Variants in NRXN3 observed in about 807,000 individuals in gnomAD.
NRXN3 encodes neurexin III.
Under a neutral mutation model 137.6 loss-of-function variants are expected in NRXN3, and 32 were observed. The ratio of observed to expected loss-of-function variants is 0.23; its 90% confidence interval spans 0.18 to 0.31. The LOEUF is 0.31. Among genes scored for constraint, NRXN3 ranks in the 10% least tolerant of loss-of-function variants. The probability of loss-of-function intolerance (pLI) is 1.00; values close to 1 mark genes in which losing one functional copy is unlikely to be tolerated. For missense variants in NRXN3, 1,574 were observed against 2,062.5 expected (o/e 0.76, Z 4.59); for synonymous variants, 798 against 784.5 (o/e 1.02, Z -0.29).
intron 6 of NRXN3, among the ~76,000 whole-genome samples, chr14:78,651,929 T>C (rs1368176155): frequency 1.3e-4 from 20 of 152,202 alleles, no homozygotes; most frequent in Admixed American, 1.3e-3. Flanking sequence ...GTAGTTCTAT[T>C]TCCTCATCTA....
intron 15 of NRXN3, among the ~76,000 whole-genome samples, chr14:79,337,058 T>C (rs1382991223): frequency 6.6e-6 from 1 of 152,220 alleles, no homozygotes; most frequent in Non-Finnish European, 1.5e-5. Flanking sequence ...CAAGATGTTT[T>C]TCGTCCAATT....
chr14:79,745,943 A>G (rs2098978388), intron 19 of NRXN3, among the ~76,000 whole-genome samples: 1 of 152,148 alleles, frequency 6.6e-6, no homozygotes, highest in South Asian at 2.1e-4. Context: ...ATATTGGCTT[A>G]GGGTCTCACT....
intron 16 of NRXN3, among the ~76,000 whole-genome samples, chr14:79,593,883 G>T (rs763777203): frequency 6.6e-6 from 1 of 152,118 alleles, no homozygotes; most frequent in Non-Finnish European, 1.5e-5. Context: ...TTGGGATAGC[G>T]CTGCTGGCCT....
intron 16 of NRXN3, among the ~76,000 whole-genome samples, chr14:79,518,527 T>C (rs1045059005): frequency 2.0e-5 from 3 of 152,150 alleles, no homozygotes; most frequent in African/African-American, 4.8e-5. Flanking sequence ...TGTGTATATA[T>C]ACATGAAGAT....
chr14:78,475,965 G>A (rs2095370777), intron 4 of NRXN3, among the ~76,000 whole-genome samples: 1 of 152,192 alleles, frequency 6.6e-6, no homozygotes, highest in African/African-American at 2.4e-5. Flanking sequence ...TAATGGATAA[G>A]CAAATACTTA....
At chr14:78,953,970 C>T (rs1317965145) in intron 10 of NRXN3, among the ~76,000 whole-genome samples, 3 of 152,146 alleles carry the variant, frequency 2.0e-5, no homozygotes, top group East Asian at 1.9e-4. Context: ...CCTTTACTTA[C>T]GTGAATCACT....
At chr14:78,870,613 C>T (rs574505801) in intron 10 of NRXN3, among the ~76,000 whole-genome samples, 20 of 152,032 alleles carry the variant, frequency 1.3e-4, no homozygotes, top group African/African-American at 3.1e-4. Flanking sequence ...TGTTACTGAA[C>T]GCTAGATCTT....
chr14:78,388,253 T>C (rs936017138), intron 4 of NRXN3, among the ~76,000 whole-genome samples: 2 of 152,202 alleles, frequency 1.3e-5, no homozygotes, highest in African/African-American at 4.8e-5. Flanking sequence ...TGACTCCAAG[T>C]GCGAGGCTCC....
chr14:79,479,360 C>T (rs983602483), intron 16 of NRXN3, among the ~76,000 whole-genome samples: 3 of 151,728 alleles, frequency 2.0e-5, no homozygotes, highest in Non-Finnish European at 4.4e-5. Context: ...AGTGGCATTA[C>T]CTCTATTTTA....
chr14:78,410,350 A>T (rs10139945), intron 4 of NRXN3, among the ~76,000 whole-genome samples: 1 of 152,212 alleles, frequency 6.6e-6, no homozygotes, highest in Admixed American at 6.5e-5. Flanking sequence ...GGCTAACAGC[A>T]TCTATAATAC....
chr14:78,735,259 G>A (rs1414088939), intron 8 of NRXN3, among the ~76,000 whole-genome samples: 6 of 152,102 alleles, frequency 3.9e-5, no homozygotes, highest in South Asian at 2.1e-4. Context: ...ATTGCAAAAC[G>A]GAGAATGCTA....
intron 15 of NRXN3, among the ~76,000 whole-genome samples, chr14:79,052,782 G>C (rs919904234): frequency 2.9e-4 from 44 of 152,198 alleles, no homozygotes; most frequent in African/African-American, 1.1e-3. Flanking sequence ...CTGCCCATTA[G>C]GGATCAGAGG....
At chr14:78,520,732 A>G (rs1172414448) in intron 4 of NRXN3, among the ~76,000 whole-genome samples, 1 of 152,160 alleles carries the variant, frequency 6.6e-6, no homozygotes, top group Non-Finnish European at 1.5e-5. Context: ...TGTTTGTGAA[A>G]TTAGTTTGAA....
At chr14:79,745,068 T>C (rs779575189) in intron 19 of NRXN3, among the ~76,000 whole-genome samples, 17 of 148,786 alleles carry the variant, frequency 1.1e-4, no homozygotes, top group Middle Eastern at 3.5e-3. Flanking sequence ...TTTAGCTAAC[T>C]CTACAAAAAG....
intron 15 of NRXN3, among the ~76,000 whole-genome samples, chr14:79,103,846 C>T (rs1168338063): frequency 6.6e-6 from 1 of 152,152 alleles, no homozygotes; most frequent in Non-Finnish European, 1.5e-5. Context: ...ACCAGAATGC[C>T]TTCCCAACAT....
At chr14:78,336,093 C>A (rs955977573) in intron 4 of NRXN3, among the ~76,000 whole-genome samples, 4 of 152,144 alleles carry the variant, frequency 2.6e-5, no homozygotes, top group Admixed American at 6.5e-5. Flanking sequence ...CTCCCCACCC[C>A]CATAGAGTAT....
intron 14 of NRXN3, among the ~76,000 whole-genome samples, chr14:78,982,128 C>G (rs1056560777): frequency 9.9e-5 from 15 of 152,076 alleles, no homozygotes; most frequent in African/African-American, 3.1e-4. Flanking sequence ...TAAATAAAAA[C>G]AGTTTCAAGT....
At chr14:79,485,287 T>A (rs1038477449) in intron 16 of NRXN3, among the ~76,000 whole-genome samples, 9 of 152,140 alleles carry the variant, frequency 5.9e-5, no homozygotes, top group African/African-American at 2.2e-4. Flanking sequence ...AGATACTTCC[T>A]CTAGGGATTG....
intron 10 of NRXN3, among the ~76,000 whole-genome samples, chr14:78,956,810 C>G (rs1247865595): frequency 6.6e-6 from 1 of 152,216 alleles, no homozygotes; most frequent in African/African-American, 2.4e-5. Flanking sequence ...TGGATACTCT[C>G]TAAAAGCCAG....
Sources: allele counts gnomAD v4.1 joint callset (sites outside exome capture counted in the v4.1 genomes callset), GRCh38; gene constraint gnomAD v4.1.1; transcripts MANE v1.5; gene names NCBI Gene and HGNC (gene_info 2026-07-23, HGNC 2026-07-21).